Variants in DMD observed in about 807,000 individuals in gnomAD.
The protein encoded by DMD is mutant dystrophin.
A neutral mutation model predicts 330.1 loss-of-function variants in DMD; 63 were observed. The observed-to-expected ratio is 0.19, with a 90% CI of 0.16 to 0.24. DMD has a LOEUF of 0.24. DMD is among the 10% of genes least tolerant of loss of function. DMD has a pLI of 1.00. For synonymous variants in DMD, 1,223 were observed against 959.8 expected (o/e 1.27, Z -5.07); for missense variants, 3,344 against 2,684.1 (o/e 1.25, Z -5.43).
intron 1 of DMD, among the ~76,000 whole-genome samples, chrX:33,137,684 C>T (rs186256819): frequency 1.2e-3 from 134 of 111,271 alleles, no homozygotes; most frequent in Non-Finnish European, 1.7e-3. Flanking sequence ...ATGGTAAGTG[C>T]TCAATAATTG....
chrX:32,890,369 G>T (rs1385174865), intron 2 of DMD, among the ~76,000 whole-genome samples: 2 of 107,865 alleles, frequency 1.9e-5, no homozygotes, highest in East Asian at 5.8e-4. Flanking sequence ...GATTCTTAAA[G>T]GACTCAAACT....
chrX:32,915,627 T>C (rs2087728420), intron 2 of DMD, among the ~76,000 whole-genome samples: 1 of 111,760 alleles, frequency 8.9e-6, no homozygotes, highest in African/African-American at 3.3e-5. Flanking sequence ...AAGGGGAAAC[T>C]GAATGATGAG....
intron 30 of DMD, among the ~76,000 whole-genome samples, chrX:32,401,639 C>G (rs1006602451): frequency 9.0e-6 from 1 of 111,251 alleles, no homozygotes; most frequent in Non-Finnish European, 1.9e-5. Context: ...TGAGCAAGAC[C>G]TAGTATTTGC....
chrX:31,127,994 A>G (rs1434036348), intron 77 of DMD, among the ~76,000 whole-genome samples: 2 of 110,841 alleles, frequency 1.8e-5, no homozygotes, highest in Non-Finnish European at 3.8e-5. Flanking sequence ...AAGCCAGGGA[A>G]AAGAGGGAGA....
intron 55 of DMD, among the ~76,000 whole-genome samples, chrX:31,510,945 T>C (rs907213585): frequency 8.9e-6 from 1 of 111,825 alleles, no homozygotes; most frequent in Non-Finnish European, 1.9e-5. Flanking sequence ...CAGTAATTCA[T>C]CTCTTTGTCT....
intron 44 of DMD, among the ~76,000 whole-genome samples, chrX:31,975,248 C>G (rs1297723130): frequency 9.0e-6 from 1 of 111,682 alleles, no homozygotes; most frequent in Non-Finnish European, 1.9e-5. Context: ...TGAAAGCATT[C>G]AATCATTCTG....
At chrX:33,127,431 A>G (rs2095471749) in intron 1 of DMD, among the ~76,000 whole-genome samples, 1 of 111,139 alleles carries the variant, frequency 9.0e-6, no homozygotes, top group Non-Finnish European at 1.9e-5. Context: ...AACCTCTAAA[A>G]TCATTCTGAG....
chrX:31,403,294 A>G (rs1422977883), intron 60 of DMD, among the ~76,000 whole-genome samples: 1 of 111,957 alleles, frequency 8.9e-6, no homozygotes, highest in Non-Finnish European at 1.9e-5. Flanking sequence ...AAGAGAAGAA[A>G]GTCCTTTCTG....
In DMD at chrX:31,505,779, G is replaced by A. The variant is rs946927749; in HGVS notation, c.8390+1502C>T. ...CTCCTGAGTAGCTGGGACTACAGGCGCGTGCCACCATGCCCAGCTAATTTT... is the reference window on the plus strand; with the variant it reads ...CTCCTGAGTAGCTGGGACTACAGGCACGTGCCACCATGCCCAGCTAATTTT... On this transcript the variant is annotated intron_variant, in intron 56 of 78. Coordinates refer to ENST00000357033, the MANE Select transcript of DMD (RefSeq NM_004006.3). Among the ~76,000 whole-genome samples, 31 of 110,909 alleles carry A rather than the reference G, an allele frequency of 2.8e-4. 1 individual carries two copies. The highest frequency in any genetic ancestry group is 3.9e-4 in the South Asian group (1 of 2,556).
chrX:31,209,450 T>G (rs1180297676), intron 65 of DMD, 48 bp downstream of exon 65: 1 of 1,160,658 alleles, frequency 8.6e-7, no homozygotes, highest in Admixed American at 2.2e-5. Flanking sequence ...TTCTGTACGC[T>G]AAGCCTCCTG....
chrX:32,467,655 C>T (rs752222963), intron 23 of DMD, among the ~76,000 whole-genome samples: 1 of 104,433 alleles, frequency 9.6e-6, no homozygotes, highest in Non-Finnish European at 1.9e-5. Flanking sequence ...TATATACACA[C>T]ATATATACAT....
rs1324300980 is a variant in DMD, at chrX:32,077,190, G to C, written c.6439-108676C>G. On this transcript the variant is annotated intron_variant, in intron 44 of 78. Transcript: ENST00000357033. Reference sequence around the variant, plus strand: ...AAAGGGGCAGAAGGGGGCCTCTGAGGTATCATCAAGGTTCTGTTTTTAATC... The same window carrying C: ...AAAGGGGCAGAAGGGGGCCTCTGAGCTATCATCAAGGTTCTGTTTTTAATC... Among the ~76,000 whole-genome samples, 3 of 111,038 alleles carry C rather than the reference G, an allele frequency of 2.7e-5. No homozygotes were observed. In the Admixed American group the frequency reaches 2.9e-4, roughly 11 times the overall value.
At chrX:31,153,264 T>C (rs2037675802) in intron 74 of DMD, among the ~76,000 whole-genome samples, 1 of 112,160 alleles carries the variant, frequency 8.9e-6, no homozygotes, top group Admixed American at 9.4e-5. Context: ...CATAGCTGCA[T>C]ATAAGCTGTA....
chrX:33,179,105 C>T (rs1303943586), intron 1 of DMD, among the ~76,000 whole-genome samples: 1 of 111,978 alleles, frequency 8.9e-6, no homozygotes, highest in Admixed American at 9.5e-5. Flanking sequence ...GAAAAGCTTA[C>T]TTCAGAGATC....
intron 47 of DMD, among the ~76,000 whole-genome samples, chrX:31,916,141 G>T (rs1436743662): frequency 1.8e-5 from 2 of 111,801 alleles, no homozygotes; most frequent in African/African-American, 6.5e-5. Flanking sequence ...GAGCAGAGGT[G>T]AATCATCCTA....
At chrX:33,253,933 T>A (rs2052812753) in intron 1 of DMD, among the ~76,000 whole-genome samples, 1 of 111,167 alleles carries the variant, frequency 9.0e-6, no homozygotes, top group Non-Finnish European at 1.9e-5. Flanking sequence ...TATTTTAAAA[T>A]AGTTTCCAAA....
chrX:31,225,462 A>C (rs1602978362), intron 63 of DMD, among the ~76,000 whole-genome samples: 1 of 112,329 alleles, frequency 8.9e-6, no homozygotes, highest in Admixed American at 9.4e-5. Flanking sequence ...CCTGCCTTTA[A>C]ATTGAGTTTA....
chrX:31,688,605 C>T (rs1319624509), intron 52 of DMD, among the ~76,000 whole-genome samples: 1 of 111,774 alleles, frequency 8.9e-6, no homozygotes, highest in Non-Finnish European at 1.9e-5. Context: ...GGGAATCCTC[C>T]CTAACTCATT....
At chrX:32,785,937 A>G (rs1012772676) in intron 7 of DMD, among the ~76,000 whole-genome samples, 2 of 110,499 alleles carry the variant, frequency 1.8e-5, no homozygotes, top group African/African-American at 3.3e-5. Flanking sequence ...TTATTTTTCT[A>G]TACTAGTTTT....
Sources: allele counts gnomAD v4.1 joint callset (sites outside exome capture counted in the v4.1 genomes callset), GRCh38; gene constraint gnomAD v4.1.1; transcripts MANE v1.5; gene names NCBI Gene and HGNC (gene_info 2026-07-23, HGNC 2026-07-21).